The following PHACTR1 variants were observed in gnomAD, a reference collection of about 807,000 sequenced individuals.
PHACTR1 encodes the protein phosphatase and actin regulator 1.
In PHACTR1, 16 loss-of-function variants were observed where a neutral mutation model predicts 69.2. That is an observed-to-expected ratio of 0.23 (90% confidence interval 0.16 to 0.35). The LOEUF (loss-of-function observed/expected upper bound fraction) is 0.35. Among genes scored for constraint, PHACTR1 ranks in the 10% least tolerant of loss-of-function variants. The pLI is 1.00. For synonymous variants in PHACTR1, 312 were observed against 284.5 expected, an observed-to-expected ratio of 1.10 and a Z score of -0.97; for missense variants, 510 against 734.7, an observed-to-expected ratio of 0.69 and a Z score of 3.54.
chr6:13,199,422 C>G, intron 7 of PHACTR1, among the ~76,000 whole-genome samples: 1 of 138,510 alleles, frequency 7.2e-6, no homozygotes, highest in Non-Finnish European at 1.5e-5. Context: ...ACATTGGCAT[C>G]TTGAAAAGTG....
At chr6:12,726,892 C>T (rs996122211) in intron 3 of PHACTR1, among the ~76,000 whole-genome samples, 2 of 152,148 alleles carry the variant, frequency 1.3e-5, no homozygotes, top group Non-Finnish European at 2.9e-5. Flanking sequence ...GTTTGCTATC[C>T]AAATAGTTGA....
intron 4 of PHACTR1, among the ~76,000 whole-genome samples, chr6:13,047,104 G>A (rs1048378371): frequency 2.6e-5 from 4 of 152,174 alleles, no homozygotes; most frequent in African/African-American, 7.2e-5. Context: ...CAGGCTGGCC[G>A]TGGAGGCTCA....
chr6:13,231,841 C>G lies in PHACTR1; in HGVS notation c.1391+1648C>G, dbSNP rs1279582798. On this transcript the variant is annotated intron_variant, in intron 10 of 14. Coordinates refer to ENST00000332995, the MANE Select transcript of PHACTR1 (RefSeq NM_030948.6). ...TTACATTGTTTGTCTTTGAGCCTGT[C>G]TATAAGATACACCATTTGTATACCC... Among the ~76,000 whole-genome samples the G allele has an allele frequency of 3.9e-5, 6 of 152,332 alleles. No individual in the cohort carries two copies. In the East Asian group the frequency reaches 1.2e-3, roughly 29 times the overall value.
At position 13,216,615 on chromosome 6, in the gene PHACTR1, G is replaced by C. The variant is rs140458667; in HGVS notation, c.986+10479G>C. On this transcript the variant is annotated intron_variant, in intron 8 of 14. Transcript: ENST00000332995. ...CTCTTCAAAATCTCACACAATTCCA[G>C]CTAGACATTTGTCCTTGCCCCTTGG... Among the ~76,000 whole-genome samples, 8 of 152,280 alleles carry C rather than the reference G, an allele frequency of 5.3e-5. No individual in the cohort carries two copies. In the East Asian group the frequency reaches 1.5e-3, roughly 29 times the overall value.
intron 8 of PHACTR1, among the ~76,000 whole-genome samples, chr6:13,212,737 C>T (rs1767059103): frequency 6.6e-6 from 1 of 152,152 alleles, no homozygotes; most frequent in South Asian, 2.1e-4. Context: ...CTCGGACGTG[C>T]CGGACACCTC....
chr6:13,278,403 C>T (rs1305847976), intron 12 of PHACTR1, 74 bp downstream of exon 12: 3 of 1,371,620 alleles, frequency 2.2e-6, no homozygotes, highest in East Asian at 5.0e-5. Context: ...CCTCTGCTGG[C>T]CTCAGTGGCC....
At chr6:13,050,642 A>G (rs991849181) in intron 4 of PHACTR1, among the ~76,000 whole-genome samples, 5 of 151,982 alleles carry the variant, frequency 3.3e-5, no homozygotes, top group Non-Finnish European at 7.4e-5. Flanking sequence ...ACCTTGGCAA[A>G]TTTCCTCTCA....
chr6:12,959,201 G>GAAAA (rs67449659), intron 4 of PHACTR1, among the ~76,000 whole-genome samples: 3 of 118,534 alleles, frequency 2.5e-5, no homozygotes, highest in Middle Eastern at 4.8e-3. Context: ...AAAAAGAAAA[G>GAAAA]AAAAAAAAAA....
chr6:12,986,195 C>T (rs960523337), intron 4 of PHACTR1, among the ~76,000 whole-genome samples: 1 of 151,900 alleles, frequency 6.6e-6, no homozygotes, highest in Non-Finnish European at 1.5e-5. Flanking sequence ...CTTTCAGGAG[C>T]AGGGGTGGGT....
rs751308519 is a variant in PHACTR1, at chr6:13,205,964, G to A, written c.814G>A (p.Ala272Thr). 1.9e-6 allele frequency: 3 copies of A among 1,614,006 alleles called. No homozygotes were observed. The highest frequency in any genetic ancestry group is 4.5e-5 in the East Asian group (2 of 44,886). The change falls in exon 8 of 15, where the codon GCC becomes ACC. Residue 272 changes from alanine to threonine, a missense_variant. Around this residue, in one of 2 missense-constraint regions of PHACTR1, gnomAD observed 419 missense variants for 530.9 expected, o/e 0.79. Transcript: ENST00000332995. ...CCAGAAGAGTGGCCAGCAGGGTGTGGCCCAGCACCACCACACTGTCCTGCC... is the reference window on the plus strand; with the variant it reads ...CCAGAAGAGTGGCCAGCAGGGTGTGACCCAGCACCACCACACTGTCCTGCC... ...TAQKSGQQGVAQHHHTVLPSQ... is the reference protein window; with the variant it reads ...TAQKSGQQGVTQHHHTVLPSQ...
intron 10 of PHACTR1, among the ~76,000 whole-genome samples, chr6:13,269,320 C>G (rs982622225): frequency 1.3e-5 from 2 of 152,184 alleles, no homozygotes; most frequent in African/African-American, 4.8e-5. Context: ...TAAGATCTTT[C>G]AACGTGGAGT....
intron 5 of PHACTR1, among the ~76,000 whole-genome samples, chr6:13,088,132 G>A (rs962904606): frequency 4.6e-5 from 7 of 152,220 alleles, no homozygotes; most frequent in African/African-American, 1.7e-4. Context: ...CACAGAGAGT[G>A]CAAGAGAATC....
At chr6:13,108,852 T>G (rs1027911135) in intron 5 of PHACTR1, among the ~76,000 whole-genome samples, 5 of 152,074 alleles carry the variant, frequency 3.3e-5, no homozygotes, top group Non-Finnish European at 7.4e-5. Context: ...CTACTTATTT[T>G]CCATTTGTCT....
chr6:12,867,886 T>C (rs1020111019), intron 4 of PHACTR1, among the ~76,000 whole-genome samples: 5 of 152,158 alleles, frequency 3.3e-5, no homozygotes, highest in Non-Finnish European at 5.9e-5. Flanking sequence ...ACAGTCTGTA[T>C]GCCTAGACCC....
chr6:13,135,980 C>T (rs1395679460), intron 5 of PHACTR1, among the ~76,000 whole-genome samples: 1 of 152,152 alleles, frequency 6.6e-6, no homozygotes, highest in African/African-American at 2.4e-5. Flanking sequence ...AAACAACTAC[C>T]TTTAGTGTTT....
At chr6:12,959,846 A>G (rs1792459534) in intron 4 of PHACTR1, among the ~76,000 whole-genome samples, 1 of 152,184 alleles carries the variant, frequency 6.6e-6, no homozygotes, top group African/African-American at 2.4e-5. Context: ...TGGTGCCCAC[A>G]TTTTCTATAT....
intron 4 of PHACTR1, among the ~76,000 whole-genome samples, chr6:12,794,292 T>C (rs776264395): frequency 2.6e-5 from 4 of 152,160 alleles, no homozygotes; most frequent in Non-Finnish European, 4.4e-5. Flanking sequence ...AAAGATACAG[T>C]GGAGTTACTG....
At chr6:13,160,354 A>G (rs1758813530) in intron 6 of PHACTR1, 70 bp downstream of exon 6, 1 of 1,317,216 alleles carries the variant, frequency 7.6e-7, no homozygotes, top group Non-Finnish European at 1.1e-6. Context: ...TATTGCTTGG[A>G]GTTCCATTTC....
intron 3 of PHACTR1, among the ~76,000 whole-genome samples, chr6:12,746,918 T>C (rs186506428): frequency 1.6e-4 from 24 of 152,346 alleles, no homozygotes; most frequent in African/African-American, 5.5e-4. Context: ...GCACCATTCA[T>C]ACAGTATTTA....
Sources: gnomAD v4.1 joint callset for allele counts (sites outside exome capture counted in the v4.1 genomes callset) on GRCh38, gnomAD v4.1.1 for gene constraint, gnomAD v4.1.1 regional missense constraint, MANE v1.5 for transcripts, NCBI Gene and HGNC (gene_info 2026-07-23, HGNC 2026-07-21) for gene names.